The following MYO3B variants were observed in gnomAD, a reference collection of about 807,000 sequenced individuals.
MYO3B encodes myosin-IIIb.
MYO3B carries 156 observed loss-of-function variants against 174.6 expected under a neutral mutation model. The ratio of observed to expected loss-of-function variants is 0.89; its 90% confidence interval spans 0.78 to 1.02. The LOEUF (loss-of-function observed/expected upper bound fraction) is 1.02, where lower values mean the gene tolerates loss of function less well. Ranked by LOEUF, MYO3B falls within the 50% of genes least tolerant of loss-of-function variation. The pLI, the probability that MYO3B is intolerant of heterozygous loss-of-function variation, is 0.00. For synonymous variants in MYO3B, 563 were observed against 569.1 expected (o/e 0.99, Z 0.15); for missense variants, 1,632 against 1,639.4 (o/e 1.00, Z 0.08).
At chr2:170,268,782 AATAT>A (rs2093403397) in intron 7 of MYO3B, among the ~76,000 whole-genome samples, 3 of 152,246 alleles carry the variant, frequency 2.0e-5, no homozygotes, top group Non-Finnish European at 4.4e-5. Context: ...TAATATACAT[AATAT>A]ATAAATAACT....
intron 9 of MYO3B, among the ~76,000 whole-genome samples, chr2:170,377,657 C>T (rs1235936703): frequency 2.0e-5 from 3 of 152,196 alleles, no homozygotes; most frequent in Non-Finnish European, 4.4e-5. Context: ...AAGACTTTCC[C>T]TCTAAGCTCC....
At chr2:170,212,485 C>T (rs2092782378) in intron 3 of MYO3B, among the ~76,000 whole-genome samples, 1 of 152,186 alleles carries the variant, frequency 6.6e-6, no homozygotes, top group African/African-American at 2.4e-5. Flanking sequence ...GCATGTCACT[C>T]ACCTTTCCTT....
At chr2:170,396,788 T>G (rs900176477) in intron 16 of MYO3B, among the ~76,000 whole-genome samples, 3 of 152,192 alleles carry the variant, frequency 2.0e-5, no homozygotes, top group African/African-American at 7.2e-5. Flanking sequence ...AGTCTTATTT[T>G]GGGAGGTTTC....
At chr2:170,426,950 G>A (rs994421275) in intron 22 of MYO3B, among the ~76,000 whole-genome samples, 25 of 152,094 alleles carry the variant, frequency 1.6e-4, no homozygotes, top group African/African-American at 5.1e-4. Context: ...ACTGGGAGGC[G>A]GAGGATGCAG....
intron 7 of MYO3B, among the ~76,000 whole-genome samples, chr2:170,331,098 G>A (rs2093908875): frequency 6.6e-6 from 1 of 152,172 alleles, no homozygotes; most frequent in Non-Finnish European, 1.5e-5. Flanking sequence ...ATGTGCAAAG[G>A]CCCTGAGGCA....
chr2:170,324,507 CTCAG>C (rs1487119044), intron 7 of MYO3B, among the ~76,000 whole-genome samples: 1 of 152,242 alleles, frequency 6.6e-6, no homozygotes, highest in African/African-American at 2.4e-5. Context: ...GGAGACTGGA[CTCAG>C]TCAGTTGACG....
At chr2:170,308,943 G>A (rs2093719269) in intron 7 of MYO3B, among the ~76,000 whole-genome samples, 1 of 152,170 alleles carries the variant, frequency 6.6e-6, no homozygotes, top group African/African-American at 2.4e-5. Flanking sequence ...AGGGGCCTGG[G>A]GTTAGACTGA....
At chr2:170,451,342 C>T (rs1229531039) in intron 23 of MYO3B, among the ~76,000 whole-genome samples, 1 of 152,262 alleles carries the variant, frequency 6.6e-6, no homozygotes, top group African/African-American at 2.4e-5. Context: ...AGGTAGGCGG[C>T]ATGGCTTACG....
intron 8 of MYO3B, among the ~76,000 whole-genome samples, chr2:170,352,920 G>C (rs932055648): frequency 4.6e-5 from 7 of 152,192 alleles, no homozygotes; most frequent in Non-Finnish European, 7.3e-5. Context: ...ATGCTGCCAA[G>C]GATGTGGAGC....
chr2:170,325,597 A>G (rs2093860823), intron 7 of MYO3B, among the ~76,000 whole-genome samples: 1 of 152,172 alleles, frequency 6.6e-6, no homozygotes, highest in Admixed American at 6.5e-5. Flanking sequence ...GATAGATGCT[A>G]GAGGATGAGA....
chr2:170,214,940 C>T, intron 5 of MYO3B, 112 bp downstream of exon 5: 2 of 760,080 alleles, frequency 2.6e-6, no homozygotes, highest in Non-Finnish European at 4.4e-6. Context: ...GGCTGAGGGA[C>T]TTTTCCAGTC....
intron 7 of MYO3B, among the ~76,000 whole-genome samples, chr2:170,282,428 C>T (rs945202127): frequency 1.3e-5 from 2 of 152,096 alleles, no homozygotes; most frequent in Non-Finnish European, 2.9e-5. Context: ...TGTAGGTTTA[C>T]TTTGGGTTTA....
intron 32 of MYO3B, chr2:170,602,292 C>G (rs1455651763): frequency 4.1e-6 from 3 of 731,314 alleles, no homozygotes; most frequent in Non-Finnish European, 7.4e-6. Flanking sequence ...CTCACTTGCC[C>G]CGGCACTGTC....
At chr2:170,180,589 TA>T (rs1224069912) in intron 1 of MYO3B, among the ~76,000 whole-genome samples, 1 of 152,164 alleles carries the variant, frequency 6.6e-6, no homozygotes, top group Non-Finnish European at 1.5e-5. Context: ...TATGTTTTTT[TA>T]AAAAATATTT....
chr2:170,400,969 C>A (rs1341248118), intron 17 of MYO3B, among the ~76,000 whole-genome samples: 1 of 151,890 alleles, frequency 6.6e-6, no homozygotes, highest in African/African-American at 2.4e-5. Flanking sequence ...GAAAAAGATA[C>A]AGGAGGTTGG....
At chr2:170,320,907 A>G (rs2093821071) in intron 7 of MYO3B, among the ~76,000 whole-genome samples, 1 of 152,220 alleles carries the variant, frequency 6.6e-6, no homozygotes. Context: ...AAGAATACAT[A>G]GAAAATAACA....
chr2:170,468,107 A>G (rs1433517682), intron 25 of MYO3B, among the ~76,000 whole-genome samples: 1 of 152,244 alleles, frequency 6.6e-6, no homozygotes. Flanking sequence ...AAATGCCAGT[A>G]AATCTGAGGA....
intron 32 of MYO3B, among the ~76,000 whole-genome samples, chr2:170,581,667 A>G (rs1693158047): frequency 6.6e-6 from 1 of 151,712 alleles, no homozygotes; most frequent in African/African-American, 2.4e-5. Flanking sequence ...CTTTTTTTCT[A>G]TATGGATAAC....
intron 30 of MYO3B, among the ~76,000 whole-genome samples, chr2:170,537,202 A>G (rs1268565964): frequency 4.0e-5 from 1 of 25,276 alleles, no homozygotes; most frequent in Admixed American, 2.6e-4. Flanking sequence ...CTCTGTCTCA[A>G]AAAAAAAAAA....
Sources: gnomAD v4.1 joint callset for allele counts (sites outside exome capture counted in the v4.1 genomes callset) on GRCh38, gnomAD v4.1.1 for gene constraint, MANE v1.5 for transcripts, NCBI Gene and HGNC (gene_info 2026-07-23, HGNC 2026-07-21) for gene names.